The following DAB1 variants were observed in gnomAD, a reference collection of about 807,000 sequenced individuals.
The protein encoded by DAB1 is disabled homolog 1.
DAB1 carries 15 observed loss-of-function variants against 64.6 expected under a neutral mutation model. That is an observed-to-expected ratio of 0.23 (90% CI 0.16 to 0.36). The LOEUF is 0.36. Ranked by LOEUF, DAB1 falls within the 10% of genes least tolerant of loss-of-function variation. DAB1 has a pLI of 1.00. For synonymous variants in DAB1, 235 were observed against 251.9 expected, an observed-to-expected ratio of 0.93 and a Z score of 0.64; for missense variants, 596 against 706.7, an observed-to-expected ratio of 0.84 and a Z score of 1.78.
chr1:57,427,775 C>T (rs1685344958), upstream of DAB1, among the ~76,000 whole-genome samples: 1 of 152,172 alleles, frequency 6.6e-6, no homozygotes, highest in Non-Finnish European at 1.5e-5. Context: ...TTTTGATATA[C>T]ATATACATTG....
intron 1 of DAB1, among the ~76,000 whole-genome samples, chr1:57,330,572 T>C (rs1447612852): frequency 1.3e-5 from 2 of 152,204 alleles, no homozygotes; most frequent in African/African-American, 4.8e-5. Flanking sequence ...AAGCCCTGAA[T>C]GTAGCATAGA....
In DAB1 at chr1:58,450,152, T is replaced by A. The variant is rs546747609; in HGVS notation, n.257+55908A>T. ...AGCAACTGAAAACCCTGCAAATAAA[T>A]CATAGAGCAGCTATCTAAGGACTCT... On this transcript the variant is annotated intron_variant and non_coding_transcript_variant, in intron 3 of 20. Transcript: ENST00000485760. Among the ~76,000 whole-genome samples, 3 of 152,252 alleles carry A rather than the reference T, an allele frequency of 2.0e-5. No homozygotes were observed. In the East Asian group the frequency reaches 5.8e-4, roughly 29 times the overall value.
intron 6 of DAB1, among the ~76,000 whole-genome samples, chr1:57,741,556 G>A (rs3118040): frequency 0.5 from 76,199 of 152,070 alleles, 19,142 homozygotes; most frequent in Admixed American, 0.54. Context: ...AGTGATGTCA[G>A]TTTCCCAGTT....
At chr1:58,464,844 C>T (rs2100319305) in intron 3 of DAB1, among the ~76,000 whole-genome samples, 1 of 152,314 alleles carries the variant, frequency 6.6e-6, no homozygotes, top group Non-Finnish European at 1.5e-5. Flanking sequence ...AACTCCATAT[C>T]AGGCAGCCCT....
At chr1:58,226,680 T>C (rs1347903694) in intron 4 of DAB1, among the ~76,000 whole-genome samples, 5 of 152,246 alleles carry the variant, frequency 3.3e-5, no homozygotes, top group Non-Finnish European at 7.3e-5. Flanking sequence ...CAAGACACTT[T>C]GCCAAATGCT....
At chr1:57,199,439 A>G (rs1033569582) in intron 2 of DAB1, among the ~76,000 whole-genome samples, 28 of 152,260 alleles carry the variant, frequency 1.8e-4, no homozygotes, top group Middle Eastern at 6.8e-3. Context: ...CTTTACTTAA[A>G]GGGCTTGTTG....
chr1:57,565,573 A>G (rs1180972612), intron 7 of DAB1, among the ~76,000 whole-genome samples: 2 of 152,190 alleles, frequency 1.3e-5, no homozygotes, highest in South Asian at 4.2e-4. Context: ...AAAGGGATGG[A>G]GGAAGATCTA....
intron 7 of DAB1, among the ~76,000 whole-genome samples, chr1:57,472,629 T>C (rs1393309972): frequency 6.6e-6 from 1 of 152,150 alleles, no homozygotes; most frequent in Non-Finnish European, 1.5e-5. Flanking sequence ...TACCCGCTGC[T>C]TGCTCAATCG....
chr1:58,127,146 C>A (rs1380220214), intron 5 of DAB1, among the ~76,000 whole-genome samples: 2 of 151,536 alleles, frequency 1.3e-5, no homozygotes, highest in East Asian at 2.0e-4. Context: ...TTAATGATTG[C>A]CATTCTAACT....
At chr1:57,678,682 A>G (rs889636034) in intron 6 of DAB1, among the ~76,000 whole-genome samples, 1 of 151,650 alleles carries the variant, frequency 6.6e-6, no homozygotes, top group East Asian at 2.0e-4. Context: ...TATTAATAGT[A>G]TTATTAGCCT....
At chr1:57,814,603 C>T (rs1253413342) in intron 6 of DAB1, among the ~76,000 whole-genome samples, 1 of 152,126 alleles carries the variant, frequency 6.6e-6, no homozygotes, top group Non-Finnish European at 1.5e-5. Context: ...AAGACTATTC[C>T]ATACTGAGGG....
chr1:58,032,382 T>A (rs1289689088), intron 5 of DAB1, among the ~76,000 whole-genome samples: 7 of 152,136 alleles, frequency 4.6e-5, no homozygotes, highest in Admixed American at 4.6e-4. Context: ...ATAATAGCTA[T>A]CTCAAAAGCT....
At chr1:57,585,397 A>AT (rs1244899290) in intron 7 of DAB1, among the ~76,000 whole-genome samples, 1 of 151,978 alleles carries the variant, frequency 6.6e-6, no homozygotes, top group Non-Finnish European at 1.5e-5. Context: ...TGTTGCCAAT[A>AT]TTTTTTTAAA....
chr1:57,191,993 AG>A (rs1343039561), intron 2 of DAB1, among the ~76,000 whole-genome samples: 1 of 152,168 alleles, frequency 6.6e-6, no homozygotes, highest in Non-Finnish European at 1.5e-5. Flanking sequence ...CGCTGCTCTT[AG>A]GGTCACACAA....
At chr1:57,216,634 T>C (rs2100358871) in intron 2 of DAB1, among the ~76,000 whole-genome samples, 1 of 152,352 alleles carries the variant, frequency 6.6e-6, no homozygotes, top group African/African-American at 2.4e-5. Context: ...AGAAAACGCA[T>C]ACTCAGAGAG....
chr1:57,364,864 T>G (rs1035705223), intron 1 of DAB1, among the ~76,000 whole-genome samples: 4 of 148,730 alleles, frequency 2.7e-5, no homozygotes, highest in Admixed American at 2.0e-4. Flanking sequence ...TGTATATATA[T>G]ATATATAGAG....
chr1:57,097,212 G>A (rs149621936), intron 4 of DAB1, among the ~76,000 whole-genome samples: 1 of 152,282 alleles, frequency 6.6e-6, no homozygotes, highest in African/African-American at 2.4e-5. Context: ...AACACCACCT[G>A]ATGTATATTA....
At chr1:57,395,094 G>A (rs987532417) in intron 1 of DAB1, among the ~76,000 whole-genome samples, 7 of 152,076 alleles carry the variant, frequency 4.6e-5, no homozygotes, top group Non-Finnish European at 7.4e-5. Context: ...GCGAGATCTC[G>A]GCTCACTGCA....
At chr1:58,089,243 C>T (rs1352536043) in intron 5 of DAB1, among the ~76,000 whole-genome samples, 1 of 152,244 alleles carries the variant, frequency 6.6e-6, no homozygotes, top group Non-Finnish European at 1.5e-5. Flanking sequence ...GTTAATTTCT[C>T]TGAGTCTTAG....
Sources: gnomAD v4.1 joint callset for allele counts (sites outside exome capture counted in the v4.1 genomes callset) on GRCh38, gnomAD v4.1.1 for gene constraint, MANE v1.5 for transcripts, NCBI Gene and HGNC (gene_info 2026-07-23, HGNC 2026-07-21) for gene names.